Variants in PCNX2 observed in about 807,000 individuals in gnomAD.
PCNX2 encodes pecanex 2, also known as pecanex-like protein 2.
A neutral mutation model predicts 223.8 loss-of-function variants in PCNX2; 168 were observed. That is an observed-to-expected ratio of 0.75 (90% CI 0.66 to 0.85). The LOEUF (loss-of-function observed/expected upper bound fraction) is 0.85. Among genes scored for constraint, PCNX2 ranks in the 40% least tolerant of loss-of-function variants. The pLI is 0.00. For synonymous variants in PCNX2, 1,006 were observed against 1,052.6 expected (o/e 0.96, Z 0.86); for missense variants, 2,507 against 2,675.5 (o/e 0.94, Z 1.39).
chr1:233,176,801 C>T (rs543022765), intron 17 of PCNX2, among the ~76,000 whole-genome samples: 1 of 152,286 alleles, frequency 6.6e-6, no homozygotes, highest in East Asian at 1.9e-4. Context: ...ATCACGTGGT[C>T]AGGAGATCGA....
At chr1:233,082,934 C>G (rs1673424319) in intron 23 of PCNX2, among the ~76,000 whole-genome samples, 1 of 152,120 alleles carries the variant, frequency 6.6e-6, no homozygotes, top group African/African-American at 2.4e-5. Flanking sequence ...TGAAACTGAC[C>G]TCTATGGGCT....
the PCNX2 span, among the ~76,000 whole-genome samples, chr1:233,310,072 A>G: frequency 6.6e-6 from 1 of 152,190 alleles, no homozygotes; most frequent in Non-Finnish European, 1.5e-5. Context: ...CCATCATTTC[A>G]AACATTCTCA....
At chr1:233,289,348 A>G in intron 1 of PCNX2, 1 of 1,129,692 alleles carries the variant, frequency 8.9e-7, no homozygotes, top group Non-Finnish European at 1.4e-6. Context: ...TTGAGGTCCA[A>G]GTTCATCTCC....
chr1:233,060,315 A>G (rs1672358284), intron 23 of PCNX2, among the ~76,000 whole-genome samples: 1 of 152,268 alleles, frequency 6.6e-6, no homozygotes, highest in South Asian at 2.1e-4. Context: ...TGGAATTTTC[A>G]AGCAGCAGAA....
intron 1 of PCNX2, chr1:233,284,919 G>A (rs1661371105): frequency 5.8e-5 from 56 of 959,574 alleles, no homozygotes; most frequent in Non-Finnish European, 6.7e-5. Context: ...GGTCATGGGG[G>A]GGATGATAGC....
chr1:233,252,281 G>T lies in PCNX2; in HGVS notation c.2128+73C>A. 6.0e-6 allele frequency: 9 copies of T among 1,488,292 alleles called. No homozygotes were observed. The South Asian group carries it at 1.0e-4, about 17-fold the overall frequency. 92.2% of individuals were successfully genotyped at this position (1,488,292 alleles called of 1,614,324 possible). On this transcript the variant is annotated intron_variant, in intron 7 of 33. Coordinates refer to ENST00000258229, the MANE Select transcript of PCNX2 (RefSeq NM_014801.4). ...TCTCAAGTCTAGTACTCATGCTAAG[G>T]TATCACACTGAGTCCTGAGAAAGCT...
In PCNX2 at chr1:233,261,903, C is replaced by G. The variant is rs1030017882; in HGVS notation, c.480+142G>C. ...GGCACCCTTCAGGCCATTTCCAGACCCTGGGATGTGATATTCCACTGTACA... is the reference window on the plus strand; with the variant it reads ...GGCACCCTTCAGGCCATTTCCAGACGCTGGGATGTGATATTCCACTGTACA... On this transcript the variant is annotated intron_variant, in intron 3 of 33. Transcript: ENST00000258229. 4.5e-6 allele frequency: 6 copies of G among 1,319,708 alleles called. No individual in the cohort carries two copies. The African/African-American group carries it at 8.7e-5, about 19-fold the overall frequency. 81.7% of individuals were successfully genotyped at this position (1,319,708 alleles called of 1,614,324 possible).
At chr1:233,236,658 C>G (rs1239601219) in intron 9 of PCNX2, among the ~76,000 whole-genome samples, 187 bp downstream of exon 9, 1 of 152,214 alleles carries the variant, frequency 6.6e-6, no homozygotes, top group Non-Finnish European at 1.5e-5. Flanking sequence ...CCAAGGTTAG[C>G]TGCTATCTAT....
At chr1:233,282,380 T>C (rs1661238022) in intron 1 of PCNX2, among the ~76,000 whole-genome samples, 1 of 152,218 alleles carries the variant, frequency 6.6e-6, no homozygotes, top group Admixed American at 6.5e-5. Flanking sequence ...AGATTGTTCC[T>C]TTAAACTCCC....
chr1:233,057,850 A>T, intron 23 of PCNX2: 1 of 887,668 alleles, frequency 1.1e-6, no homozygotes, highest in Non-Finnish European at 1.3e-6. Flanking sequence ...ACAGAGCAAG[A>T]CTCAAAAAAA....
intron 23 of PCNX2, among the ~76,000 whole-genome samples, chr1:233,064,452 G>A (rs373135080): frequency 6.6e-6 from 1 of 152,228 alleles, no homozygotes; most frequent in East Asian, 1.9e-4. Flanking sequence ...TCTGTGTTGG[G>A]TGTTTCACTT....
the PCNX2 span, among the ~76,000 whole-genome samples, chr1:233,321,486 TG>T: frequency 6.6e-6 from 1 of 151,998 alleles, no homozygotes; most frequent in Non-Finnish European, 1.5e-5. Context: ...TTAGTAGAGA[TG>T]GGGTTTCACC....
intron 10 of PCNX2, among the ~76,000 whole-genome samples, chr1:233,221,985 C>T (rs1193509324): frequency 6.6e-6 from 1 of 152,176 alleles, no homozygotes; most frequent in Non-Finnish European, 1.5e-5. Flanking sequence ...TGGGAGCTTC[C>T]TTTCCTGTGA....
At chr1:233,022,109 C>T (rs1422434229) in intron 26 of PCNX2, among the ~76,000 whole-genome samples, 1 of 152,104 alleles carries the variant, frequency 6.6e-6, no homozygotes, top group Non-Finnish European at 1.5e-5. Context: ...GGCCTGTCCA[C>T]GTGTCTGGCT....
chr1:233,259,854 A>T, intron 4 of PCNX2: 1 of 897,790 alleles, frequency 1.1e-6, no homozygotes. Flanking sequence ...CTGTGAAATT[A>T]TTCTTGAAAC....
At position 233,241,179 on chromosome 1, in the gene PCNX2, T is replaced by A. The variant is rs1021111399; in HGVS notation, c.2223-4199A>T. Reference sequence around the variant, plus strand: ...GGATTCTTGTTCAATTCTCCTTTTATGTGACAGTAAAATTTGTGTGAGTAT... The same window carrying A: ...GGATTCTTGTTCAATTCTCCTTTTAAGTGACAGTAAAATTTGTGTGAGTAT... On this transcript the variant is annotated intron_variant, in intron 8 of 33. Transcript: ENST00000258229. 6 of 985,230 alleles carry A rather than the reference T, an allele frequency of 6.1e-6. No individual in the cohort carries two copies. The South Asian group carries it at 1.9e-4, about 31-fold the overall frequency. 61.0% of individuals were successfully genotyped at this position (985,230 alleles called of 1,614,324 possible). A position where few individuals can be genotyped will look rare whatever the true frequency, so the allele number is the denominator to read the frequency against.
intron 1 of PCNX2, chr1:233,289,025 G>A: frequency 7.3e-7 from 1 of 1,364,252 alleles, no homozygotes; most frequent in South Asian, 1.2e-5. Flanking sequence ...GGATTCTCTT[G>A]CCCACAATTT....
chr1:233,182,337 C>A (rs527608052), intron 15 of PCNX2, among the ~76,000 whole-genome samples: 1 of 152,260 alleles, frequency 6.6e-6, no homozygotes, highest in East Asian at 1.9e-4. Context: ...CAATTTGCTT[C>A]TTCTTTCCAT....
chr1:233,187,755 C>T (rs562457888), intron 15 of PCNX2, among the ~76,000 whole-genome samples: 15 of 152,122 alleles, frequency 9.9e-5, no homozygotes, highest in African/African-American at 3.4e-4. Flanking sequence ...GCAGAAAGCA[C>T]GAGCTGGCTG....
Sources: allele counts gnomAD v4.1 joint callset (sites outside exome capture counted in the v4.1 genomes callset), GRCh38; gene constraint gnomAD v4.1.1; transcripts MANE v1.5; gene names NCBI Gene and HGNC (gene_info 2026-07-23, HGNC 2026-07-21).